Variants in CSMD1 observed in about 807,000 individuals in gnomAD.
CSMD1 encodes the protein CUB and Sushi multiple domains 1.
Under a neutral mutation model 417.5 loss-of-function variants are expected in CSMD1, and 213 were observed. That is an observed-to-expected ratio of 0.51 (90% confidence interval 0.46 to 0.57). The LOEUF is 0.57. Ranked by LOEUF, CSMD1 falls within the 20% of genes least tolerant of loss-of-function variation. The probability of loss-of-function intolerance (pLI) is 0.00; values close to 1 mark genes in which losing one functional copy is unlikely to be tolerated. For missense variants in CSMD1, 6,923 were observed against 4,529.7 expected (o/e 1.53, Z -15.17); for synonymous variants, 2,862 against 1,736.8 (o/e 1.65, Z -16.11).
intron 10 of CSMD1, among the ~76,000 whole-genome samples, chr8:3,497,166 T>C (rs1037124753): frequency 2.0e-5 from 3 of 152,172 alleles, no homozygotes; most frequent in Admixed American, 6.5e-5. Flanking sequence ...GTCCATTTGG[T>C]CTACACTATA....
chr8:4,730,120 G>A (rs1055632344), intron 1 of CSMD1, among the ~76,000 whole-genome samples: 1 of 152,134 alleles, frequency 6.6e-6, no homozygotes, highest in African/African-American at 2.4e-5. Flanking sequence ...GCACTTAGAA[G>A]CATTGAGAAG....
intron 12 of CSMD1, among the ~76,000 whole-genome samples, chr8:3,448,876 G>T (rs140050659): frequency 6.6e-6 from 1 of 152,196 alleles, no homozygotes; most frequent in African/African-American, 2.4e-5. Context: ...ACTTACGCAG[G>T]CATAATTCTA....
intron 3 of CSMD1, among the ~76,000 whole-genome samples, chr8:4,385,952 A>G (rs1313078306): frequency 6.6e-6 from 1 of 152,190 alleles, no homozygotes; most frequent in Non-Finnish European, 1.5e-5. Context: ...TCAGATACCC[A>G]ACCCAGAGCA....
At chr8:4,403,267 A>C (rs1194887483) in intron 3 of CSMD1, among the ~76,000 whole-genome samples, 2 of 152,214 alleles carry the variant, frequency 1.3e-5, no homozygotes, top group Non-Finnish European at 1.5e-5. Context: ...CAAAACAGTC[A>C]ACAATGAACA....
intron 1 of CSMD1, among the ~76,000 whole-genome samples, chr8:4,732,375 G>C (rs367594777): frequency 1.7e-4 from 25 of 150,242 alleles, no homozygotes; most frequent in Middle Eastern, 3.4e-3. Flanking sequence ...GTGTGTGTGT[G>C]TGTGTGTAGT....
chr8:3,267,629 C>T (rs933682578), intron 26 of CSMD1, among the ~76,000 whole-genome samples: 1 of 152,240 alleles, frequency 6.6e-6, no homozygotes, highest in Non-Finnish European at 1.5e-5. Flanking sequence ...AGAAATGTGT[C>T]CCGGCAAAAG....
intron 11 of CSMD1, among the ~76,000 whole-genome samples, chr8:3,483,092 T>A (rs1425831573): frequency 1.3e-5 from 2 of 151,820 alleles, no homozygotes; most frequent in Non-Finnish European, 2.9e-5. Context: ...CAAAATAGAC[T>A]CAAAGAAACT....
intron 50 of CSMD1, among the ~76,000 whole-genome samples, chr8:3,030,281 A>T (rs1392380773): frequency 6.6e-6 from 1 of 152,020 alleles, no homozygotes; most frequent in African/African-American, 2.4e-5. Flanking sequence ...GAAAAGTGCA[A>T]GATGATTTAA....
At chr8:4,945,510 A>C (rs1046777754) in intron 1 of CSMD1, among the ~76,000 whole-genome samples, 7 of 147,406 alleles carry the variant, frequency 4.7e-5, no homozygotes, top group Non-Finnish European at 1.0e-4. Flanking sequence ...ACAAAATAAA[A>C]AGAGGAAGGA....
At chr8:4,086,439 A>G (rs1428231968) in intron 3 of CSMD1, among the ~76,000 whole-genome samples, 2 of 152,304 alleles carry the variant, frequency 1.3e-5, no homozygotes, top group Middle Eastern at 3.4e-3. Flanking sequence ...TTCTTAAAAT[A>G]CTACTATTAC....
At chr8:4,166,908 T>A (rs924304165) in intron 3 of CSMD1, among the ~76,000 whole-genome samples, 15 of 152,188 alleles carry the variant, frequency 9.9e-5, no homozygotes, top group African/African-American at 3.6e-4. Flanking sequence ...GCAGCCTCAT[T>A]TTGAATGCTC....
At chr8:4,410,333 C>G in intron 3 of CSMD1, among the ~76,000 whole-genome samples, 1 of 152,156 alleles carries the variant, frequency 6.6e-6, no homozygotes, top group South Asian at 2.1e-4. Flanking sequence ...AATGGTCACA[C>G]TCATAGTGAC....
At chr8:3,195,539 C>T (rs1373944079) in intron 33 of CSMD1, among the ~76,000 whole-genome samples, 1 of 152,136 alleles carries the variant, frequency 6.6e-6, no homozygotes, top group Non-Finnish European at 1.5e-5. Flanking sequence ...TGCATTGCGT[C>T]TAAGAATATG....
At chr8:4,456,056 G>C (rs917424817) in intron 2 of CSMD1, among the ~76,000 whole-genome samples, 44 of 54,340 alleles carry the variant, frequency 8.1e-4, no homozygotes, top group African/African-American at 2.8e-3. Flanking sequence ...TACTATCATT[G>C]ACCAAAAAAA....
At chr8:3,260,362 G>A (rs12541763) in intron 26 of CSMD1, among the ~76,000 whole-genome samples, 34,359 of 151,744 alleles carry the variant, frequency 0.23, 4,381 homozygotes, top group Admixed American at 0.27. Flanking sequence ...GTTTTGTGTC[G>A]GGTGCCTCCG....
chr8:4,709,165 G>A (rs1379855521), intron 1 of CSMD1, among the ~76,000 whole-genome samples: 1 of 152,174 alleles, frequency 6.6e-6, no homozygotes, highest in Non-Finnish European at 1.5e-5. Context: ...GCAATATGGT[G>A]TTTGATGCAT....
chr8:3,512,677 G>T lies in CSMD1; in HGVS notation c.1345-18951C>A, dbSNP rs921692153. 2.0e-5 allele frequency among the ~76,000 whole-genome samples: 3 copies of T among 150,104 alleles called. No individual in the cohort carries two copies. The East Asian group carries it at 5.9e-4, about 29-fold the overall frequency. On this transcript the variant is annotated intron_variant, in intron 10 of 69. Coordinates refer to ENST00000635120, the MANE Select transcript of CSMD1 (RefSeq NM_033225.6). ...GTGCACTGGCATGATGACATGATCT[G>T]GGCTCCCTGCAACCTCTGCCTCCTG...
chr8:4,019,787 A>C (rs555294861), intron 4 of CSMD1, among the ~76,000 whole-genome samples: 5 of 152,224 alleles, frequency 3.3e-5, no homozygotes, highest in South Asian at 2.1e-4. Flanking sequence ...GTGTAAAATA[A>C]AGTGACCCAC....
At chr8:4,073,086 C>T (rs1033104070) in intron 3 of CSMD1, among the ~76,000 whole-genome samples, 4 of 152,068 alleles carry the variant, frequency 2.6e-5, no homozygotes, top group African/African-American at 9.7e-5. Context: ...CTTTATGATC[C>T]ACTATGTCTT....
Sources: allele counts gnomAD v4.1 joint callset (sites outside exome capture counted in the v4.1 genomes callset), GRCh38; gene constraint gnomAD v4.1.1; transcripts MANE v1.5; gene names NCBI Gene and HGNC (gene_info 2026-07-23, HGNC 2026-07-21).